The following HAPLN2 variants were observed in gnomAD, a reference collection of about 807,000 sequenced individuals.
HAPLN2 encodes hyaluronan and proteoglycan link protein 2, also known as brain link protein-1.
A neutral mutation model predicts 29.3 loss-of-function variants in HAPLN2; 27 were observed. The observed-to-expected ratio is 0.92, with a 90% CI of 0.68 to 1.27. The LOEUF (loss-of-function observed/expected upper bound fraction) is 1.27, where lower values mean the gene tolerates loss of function less well. Ranked by LOEUF, HAPLN2 falls within the 50% of genes most tolerant of loss-of-function variation. The pLI is 0.00. For synonymous variants in HAPLN2, 208 were observed against 211.7 expected, an observed-to-expected ratio of 0.98 and a Z score of 0.15; for missense variants, 454 against 484.3, an observed-to-expected ratio of 0.94 and a Z score of 0.59.
In HAPLN2 at chr1:156,623,497, G is replaced by A. The variant is rs1485038905; in HGVS notation, c.7G>A (p.Gly3Ser). MP[G>S]WLTLPTLCRF... ...GCCGGGCTGACCCCCCATCATGCCAGGCTGGCTCACCCTCCCCACACTCTG... is the reference window on the plus strand; with the variant it reads ...GCCGGGCTGACCCCCCATCATGCCAAGCTGGCTCACCCTCCCCACACTCTG... Residue 3 changes from glycine (G) to serine (S), a missense_variant, in exon 3 of 7, where the codon GGC (glycine) becomes AGC (serine). By Grantham distance (56) the Gly-to-Ser change is moderately conservative. Transcript: ENST00000255039. The A allele has an allele frequency of 1.9e-6, 3 of 1,614,070 alleles. No homozygotes were observed. Among genetic ancestry groups the A allele is most frequent in the Non-Finnish European group, 2.5e-6 (3 of 1,179,986 alleles).
chr1:156,604,190 G>A, the HAPLN2 span, among the ~76,000 whole-genome samples: 1 of 152,018 alleles, frequency 6.6e-6, no homozygotes, highest in South Asian at 2.1e-4. Flanking sequence ...TGGAAAAATT[G>A]GAAAGAATCA....
chr1:156,616,847 G>A (rs1678070298), upstream of HAPLN2, among the ~76,000 whole-genome samples: 1 of 152,144 alleles, frequency 6.6e-6, no homozygotes, highest in South Asian at 2.1e-4. Flanking sequence ...AGCACTTTGG[G>A]AGGCCAAGGA....
At chr1:156,624,302 C>A (rs755408840) in intron 4 of HAPLN2, 49 bp from the exon 5 acceptor site, 7 of 1,542,204 alleles carry the variant, frequency 4.5e-6, no homozygotes, top group East Asian at 2.4e-5. Flanking sequence ...CCTTCCTCCC[C>A]CTCCGCTCCC....
intron 6 of HAPLN2, 127 bp from the exon 7 acceptor site, chr1:156,624,974 C>G: frequency 8.0e-7 from 1 of 1,256,326 alleles, no homozygotes; most frequent in Non-Finnish European, 1.1e-6. Context: ...GCCTCGATCC[C>G]CCAACTCCTC....
chr1:156,618,334 G>T (rs1678112538), upstream of HAPLN2, among the ~76,000 whole-genome samples: 1 of 144,962 alleles, frequency 6.9e-6, no homozygotes, highest in Non-Finnish European at 1.5e-5. Context: ...AAGTTAATTA[G>T]ACGGGTGTGG....
upstream of HAPLN2, among the ~76,000 whole-genome samples, chr1:156,616,399 G>A (rs4553183): frequency 0.95 from 144,523 of 152,248 alleles, 69,067 homozygotes; most frequent in Non-Finnish European, 1. Flanking sequence ...TTCTCATTCT[G>A]TCCTCACTGG....
chr1:156,622,158 A>G (rs1314728340), intron 2 of HAPLN2, among the ~76,000 whole-genome samples: 1 of 152,092 alleles, frequency 6.6e-6, no homozygotes, highest in East Asian at 1.9e-4. Context: ...TGTAAGACAA[A>G]AAAAGTCCTG....
intron 5 of HAPLN2, 33 bp from the exon 6 acceptor site, chr1:156,624,568 C>T (rs753033909): frequency 1.5e-5 from 24 of 1,607,078 alleles, no homozygotes; most frequent in South Asian, 8.9e-5. Flanking sequence ...CCTATGACGC[C>T]TCTTATCCCC....
the HAPLN2 span, among the ~76,000 whole-genome samples, chr1:156,609,829 G>A: frequency 6.6e-6 from 1 of 152,276 alleles, no homozygotes; most frequent in South Asian, 2.1e-4. Context: ...CTACCTGGGT[G>A]ACAAAATAAT....
the HAPLN2 span, among the ~76,000 whole-genome samples, chr1:156,607,717 A>G: frequency 1.3e-5 from 2 of 152,192 alleles, no homozygotes; most frequent in Non-Finnish European, 2.9e-5. Context: ...ACATAGTGTT[A>G]TAAAAGTCAG....
At chr1:156,624,572 T>G (rs12405992) in intron 5 of HAPLN2, 29 bp from the exon 6 acceptor site, 1 of 1,606,676 alleles carries the variant, frequency 6.2e-7, no homozygotes, top group Non-Finnish European at 8.5e-7. Context: ...TGACGCCTCT[T>G]ATCCCCGACC....
chr1:156,619,565 A>C (rs1678153691), intron 1 of HAPLN2, 30 bp downstream of exon 1: 1 of 152,060 alleles, frequency 6.6e-6, no homozygotes, highest in Middle Eastern at 3.1e-3. Context: ...GAGAGGGGAG[A>C]TGGGGATGCT....
At chr1:156,605,095 G>A in the HAPLN2 span, among the ~76,000 whole-genome samples, 72 of 151,816 alleles carry the variant, frequency 4.7e-4, 1 homozygote, top group African/African-American at 1.6e-3. Flanking sequence ...GTGAAACCCC[G>A]TCTCTACTAA....
At chr1:156,612,316 G>A in the HAPLN2 span, among the ~76,000 whole-genome samples, 4 of 152,040 alleles carry the variant, frequency 2.6e-5, no homozygotes, top group Non-Finnish European at 4.4e-5. Context: ...GAGCCACCGC[G>A]CCCGCCAGTA....
upstream of HAPLN2, among the ~76,000 whole-genome samples, chr1:156,616,170 C>T (rs772888214): frequency 2.6e-5 from 4 of 152,036 alleles, no homozygotes; most frequent in Non-Finnish European, 4.4e-5. Context: ...GTCGGGACTC[C>T]GTGCTTGTCT....
chr1:156,625,580 C>T lies in HAPLN2; in HGVS notation c.*196C>T, dbSNP rs1316087424. 4 of 546,968 alleles carry T rather than the reference C, an allele frequency of 7.3e-6. No individual in the cohort carries two copies. Among genetic ancestry groups the T allele is most frequent in the Admixed American group, 3.9e-5 (1 of 25,796 alleles). The allele number at this position is 546,968 out of a possible 1,614,324, so 33.9% of individuals were successfully genotyped here. On this transcript the variant is annotated 3_prime_UTR_variant, in exon 7 of 7. Coordinates refer to ENST00000255039, the MANE Select transcript of HAPLN2 (RefSeq NM_021817.3). The surrounding 1 kb of genome is among the most constrained non-coding windows in gnomAD (Gnocchi z 5.7). ...CGGGGAGGGGAGGCGGGGGCGCCTC[C>T]GGCGGCGAGATGCAGAGGTGACCCT... is the stretch of plus-strand genomic sequence containing the variant.
the HAPLN2 span, among the ~76,000 whole-genome samples, chr1:156,607,209 A>G: frequency 6.6e-6 from 1 of 152,178 alleles, no homozygotes; most frequent in Non-Finnish European, 1.5e-5. Context: ...TTTTTTCAGG[A>G]AAGTGATTTT....
the HAPLN2 span, among the ~76,000 whole-genome samples, chr1:156,612,480 C>T: frequency 6.6e-6 from 1 of 152,248 alleles, no homozygotes; most frequent in Non-Finnish European, 1.5e-5. Flanking sequence ...CTTTAAACTC[C>T]TGGGTTCAAG....
chr1:156,604,138 A>G, the HAPLN2 span, among the ~76,000 whole-genome samples: 1 of 152,332 alleles, frequency 6.6e-6, no homozygotes, highest in Admixed American at 6.5e-5. Flanking sequence ...AATGCAGATA[A>G]CAAGATGCAT....
Sources: gnomAD v4.1 joint callset for allele counts (sites outside exome capture counted in the v4.1 genomes callset) on GRCh38, gnomAD v4.1.1 for gene constraint, Gnocchi (gnomAD v3.1) non-coding constraint, MANE v1.5 for transcripts, NCBI Gene and HGNC (gene_info 2026-07-23, HGNC 2026-07-21) for gene names.